The following ATG13 variants were observed in gnomAD, a reference collection of about 807,000 sequenced individuals.
The protein encoded by ATG13 is autophagy related 13.
In ATG13, 23 loss-of-function variants were observed where a neutral mutation model predicts 65.5. The ratio of observed to expected loss-of-function variants is 0.35; its 90% CI spans 0.25 to 0.50. The LOEUF (loss-of-function observed/expected upper bound fraction) is 0.50, where lower values mean the gene tolerates loss of function less well. Among genes scored for constraint, ATG13 ranks in the 20% least tolerant of loss-of-function variants. ATG13 has a pLI of 0.98. For synonymous variants in ATG13, 252 were observed against 245.2 expected (o/e 1.03, Z -0.26); for missense variants, 566 against 677.0 (o/e 0.84, Z 1.82).
chr11:46,626,624 T>G (rs533322109), intron 1 of ATG13, among the ~76,000 whole-genome samples: 1 of 152,302 alleles, frequency 6.6e-6, no homozygotes, highest in South Asian at 2.1e-4. Context: ...CCACCAGGTT[T>G]CTCTTTGTAA....
intron 2 of ATG13, among the ~76,000 whole-genome samples, chr11:46,631,885 A>C (rs2051895413): frequency 6.6e-6 from 1 of 152,198 alleles, no homozygotes; most frequent in Non-Finnish European, 1.5e-5. Flanking sequence ...GTCTCAAAAC[A>C]AAAACAACCA....
intron 2 of ATG13, among the ~76,000 whole-genome samples, chr11:46,633,003 A>AAAATATAT (rs1261200980): frequency 7.9e-5 from 7 of 89,146 alleles, no homozygotes; most frequent in African/African-American, 2.5e-4. Flanking sequence ...ATTAAAAAAA[A>AAAATATAT]ATATATATAT....
chr11:46,671,545 G>A (rs985515369), intron 18 of ATG13, among the ~76,000 whole-genome samples: 2 of 152,112 alleles, frequency 1.3e-5, no homozygotes, highest in African/African-American at 2.4e-5. Context: ...AGACCAGCCT[G>A]GGCAACATGG....
chr11:46,653,121 G>GTACTTTTGTCTTAGTATCTTT lies in ATG13; in HGVS notation c.458+2806_458+2807insCTTTTGTCTTAGTATCTTTTA, dbSNP rs1364853268. On this transcript the variant is annotated intron_variant, in intron 7 of 18. Transcript: ENST00000683050. Reference sequence around the variant, plus strand: ...GCTTTTTTAGTATCTTTTGTCTGTCGTATCTGTAGTACTTTTGTGCTTTGT... The same window carrying GTACTTTTGTCTTAGTATCTTT: ...GCTTTTTTAGTATCTTTTGTCTGTCGTACTTTTGTCTTAGTATCTTTTATCTGTAGTACTTTTGTGCTTTGT... 9.4e-3 allele frequency among the ~76,000 whole-genome samples: 1,416 copies of GTACTTTTGTCTTAGTATCTTT among 150,004 alleles called. 23 individuals are homozygous for GTACTTTTGTCTTAGTATCTTT. Among genetic ancestry groups the GTACTTTTGTCTTAGTATCTTT allele is most frequent in the Non-Finnish European group, 0.011 (742 of 67,588 alleles).
intron 12 of ATG13, 107 bp downstream of exon 12, chr11:46,664,202 T>C: frequency 1.1e-6 from 1 of 905,568 alleles, no homozygotes; most frequent in Non-Finnish European, 1.6e-6. Flanking sequence ...AAGTGTTCTG[T>C]GGGATTATTT....
chr11:46,628,578 G>A (rs182890863), intron 1 of ATG13, among the ~76,000 whole-genome samples: 1 of 152,098 alleles, frequency 6.6e-6, no homozygotes, highest in Admixed American at 6.5e-5. Context: ...TGAAAGCAAT[G>A]TTGTTAATAT....
At chr11:46,627,742 G>C (rs1317767059) in intron 1 of ATG13, among the ~76,000 whole-genome samples, 1 of 152,114 alleles carries the variant, frequency 6.6e-6, no homozygotes, top group Non-Finnish European at 1.5e-5. Flanking sequence ...GTATCCCAGA[G>C]TGCTGGGGTT....
chr11:46,642,687 CCTAA>C (rs1361394422), intron 2 of ATG13, among the ~76,000 whole-genome samples: 23 of 152,294 alleles, frequency 1.5e-4, no homozygotes, highest in Non-Finnish European at 2.9e-4. Context: ...TTGCCAAGGA[CCTAA>C]CTGATTTCCC....
At chr11:46,655,880 G>A (rs767908416) in intron 7 of ATG13, among the ~76,000 whole-genome samples, 3 of 152,226 alleles carry the variant, frequency 2.0e-5, no homozygotes, top group South Asian at 2.1e-4. Context: ...TGGTACTCCA[G>A]GCATGCACCA....
At chr11:46,649,859 T>C (rs1225460162) in intron 6 of ATG13, among the ~76,000 whole-genome samples, 5 of 152,252 alleles carry the variant, frequency 3.3e-5, no homozygotes, top group South Asian at 2.1e-4. Flanking sequence ...AGACAGCTCA[T>C]AGGATAGTAC....
chr11:46,654,283 T>TTATATATATATATA lies in ATG13; in HGVS notation c.459-1936_459-1923dup, dbSNP rs376147806. Among the ~76,000 whole-genome samples, 12 of 122,308 alleles carry TTATATATATATATA rather than the reference T, an allele frequency of 9.8e-5. No homozygotes were observed. The South Asian group carries it at 1.6e-3, about 16-fold the overall frequency. The allele number at this position is 122,308 out of a possible 152,430, so 80.2% of individuals were successfully genotyped here. A position where few individuals can be genotyped will look rare whatever the true frequency, so the allele number is the denominator to read the frequency against. ...CCTCATCACTACTATTTTTAAAATTTTATATATATATATATATATATATAT... is the reference window on the plus strand; with the variant it reads ...CCTCATCACTACTATTTTTAAAATTTTATATATATATATATATATATATATATATATATATATAT... On this transcript the variant is annotated intron_variant, in intron 7 of 18. Transcript: ENST00000683050.
Position 46,665,503 on chromosome 11 carries a change from G to T in ATG13, c.1120G>T (p.Ala374Ser). The T allele has an allele frequency of 6.2e-7, 1 of 1,614,170 alleles. No individual in the cohort carries two copies. The highest frequency in any genetic ancestry group is 1.1e-5 in the South Asian group (1 of 91,082). ...CCCTTCTGACAGAACCCACTGTGCT[G>T]CCACACCCTCCAGTAGGTGAGTTCA... Reference protein sequence around the residue: ...CTPSDRTHCAATPSSSEDTET... With the variant: ...CTPSDRTHCASTPSSSEDTET... Residue 374 changes from alanine to serine, a missense_variant, in exon 14 of 19, where the codon GCC (alanine) becomes TCC (serine). By Grantham distance (99) the Ala-to-Ser change is moderately conservative. Coordinates refer to ENST00000683050, the MANE Select transcript of ATG13 (RefSeq NM_001346311.2).
At chr11:46,662,034 C>T (rs2061327997) in intron 11 of ATG13, among the ~76,000 whole-genome samples, 1 of 152,226 alleles carries the variant, frequency 6.6e-6, no homozygotes, top group Admixed American at 6.5e-5. Flanking sequence ...CTCTCATGAA[C>T]ATATGTAGGC....
At position 46,672,389 on chromosome 11, in the gene ATG13, C is replaced by T. The variant is rs960844528; in HGVS notation, c.*57C>T. The stretch of plus-strand genomic sequence containing the variant: ...TTTGTGGCCCCAGGGCATAAGCAGC[C>T]TCCCATGCATCAGCTGCTCCCACCC... On this transcript the variant is annotated 3_prime_UTR_variant, in exon 19 of 19. Coordinates refer to ENST00000683050, the MANE Select transcript of ATG13 (RefSeq NM_001346311.2). 5.0e-6 allele frequency: 8 copies of T among 1,613,124 alleles called. No individual in the cohort carries two copies. The highest frequency in any genetic ancestry group is 6.8e-6 in the Non-Finnish European group (8 of 1,179,324).
At chr11:46,669,316 T>C in intron 17 of ATG13, 88 bp from the exon 18 acceptor site, 2 of 1,500,360 alleles carry the variant, frequency 1.3e-6, no homozygotes, top group Non-Finnish European at 1.8e-6. Flanking sequence ...AAGAACCTTT[T>C]GATAATTGCT....
In ATG13 at chr11:46,669,458, C is replaced by T. The variant is rs1389103809; in HGVS notation, c.1501C>T (p.Arg501Trp). The change falls in exon 18 of 19, where the codon CGG becomes TGG. Residue 501 changes from arginine to tryptophan, a missense_variant. By Grantham distance (101) the Arg-to-Trp change is moderately radical (BLOSUM62 -3). This residue lies in a region of ATG13 where 387 missense variants were observed against 409.8 expected (regional missense o/e 0.94). Transcript: ENST00000683050. Reference protein sequence around the residue: ...ILPMDLGTFYREFQNPPQLSS... With the variant: ...ILPMDLGTFYWEFQNPPQLSS... Reference sequence around the variant, plus strand: ...TCCGATGGACCTGGGGACCTTCTATCGGGAGTTTCAGAACCCACCTCAGCT... The same window carrying T: ...TCCGATGGACCTGGGGACCTTCTATTGGGAGTTTCAGAACCCACCTCAGCT... 6.2e-7 allele frequency: 1 copy of T among 1,614,080 alleles called. No homozygotes were observed. Among genetic ancestry groups the T allele is most frequent in the Non-Finnish European group, 8.5e-7 (1 of 1,179,968 alleles).
chr11:46,657,914 C>A (rs569754999), intron 10 of ATG13, among the ~76,000 whole-genome samples: 10 of 152,156 alleles, frequency 6.6e-5, no homozygotes, highest in South Asian at 6.2e-4. Flanking sequence ...ACTAAAAATA[C>A]AAAAATTAGC....
chr11:46,644,099 T>G (rs2056897546), intron 2 of ATG13, among the ~76,000 whole-genome samples, 180 bp from the exon 3 acceptor site: 1 of 152,210 alleles, frequency 6.6e-6, no homozygotes, highest in Non-Finnish European at 1.5e-5. Context: ...GAATCTGTTT[T>G]CCTCAAGAGA....
At chr11:46,633,011 T>A (rs1351019856) in intron 2 of ATG13, among the ~76,000 whole-genome samples, 21 of 98,644 alleles carry the variant, frequency 2.1e-4, no homozygotes, top group African/African-American at 1.1e-3. Flanking sequence ...AAAATATATA[T>A]ATATATATAT....
Sources: gnomAD v4.1 joint callset for allele counts (sites outside exome capture counted in the v4.1 genomes callset) on GRCh38, gnomAD v4.1.1 for gene constraint, gnomAD v4.1.1 regional missense constraint, MANE v1.5 for transcripts, NCBI Gene and HGNC (gene_info 2026-07-23, HGNC 2026-07-21) for gene names.